PRSS23: variants seen among roughly 807,000 people sequenced by gnomAD.
The protein encoded by PRSS23 is protease, serine 23.
In PRSS23, 25 loss-of-function variants were observed where a neutral mutation model predicts 34.7. The observed-to-expected ratio is 0.72, with a 90% CI of 0.53 to 1.01. PRSS23 has a LOEUF of 1.01. PRSS23 is among the 50% of genes least tolerant of loss of function. PRSS23 has a pLI of 0.00. For synonymous variants in PRSS23, 176 were observed against 186.6 expected (o/e 0.94, Z 0.46); for missense variants, 445 against 475.6 (o/e 0.94, Z 0.60).
At chr11:86,888,105 G>A (rs1328672425) in intron 2 of PRSS23, among the ~76,000 whole-genome samples, 1 of 131,692 alleles carries the variant, frequency 7.6e-6, no homozygotes, top group African/African-American at 2.9e-5. Context: ...TGAGCATCAA[G>A]TTGGTTTTTT....
At chr11:86,844,335 A>C (rs1053662193) in intron 2 of PRSS23, among the ~76,000 whole-genome samples, 11 of 152,164 alleles carry the variant, frequency 7.2e-5, no homozygotes, top group African/African-American at 2.4e-4. Flanking sequence ...TGGGTGCAGC[A>C]AACCAACATG....
At chr11:86,834,661 G>A (rs145096930) in intron 2 of PRSS23, among the ~76,000 whole-genome samples, 3,477 of 149,148 alleles carry the variant, frequency 0.023, 146 homozygotes, top group African/African-American at 0.081. Context: ...TTGCTGTACA[G>A]CCAATAATAA....
intron 2 of PRSS23, chr11:86,937,139 G>C (rs1372317733): frequency 6.6e-6 from 1 of 152,156 alleles, no homozygotes; most frequent in Non-Finnish European, 1.5e-5. Context: ...AGCTCCTACT[G>C]ACCCAGCAGA....
chr11:86,930,081 G>A (rs1949113626), intron 2 of PRSS23, among the ~76,000 whole-genome samples: 1 of 151,674 alleles, frequency 6.6e-6, no homozygotes, highest in Admixed American at 6.6e-5. Context: ...TAGTTATAGT[G>A]GTATAGTATG....
chr11:86,905,190 G>A (rs77863647), intron 2 of PRSS23, among the ~76,000 whole-genome samples: 65 of 152,286 alleles, frequency 4.3e-4, no homozygotes, highest in Admixed American at 1.3e-3. Context: ...TAGACTGTGC[G>A]CTAAAGGCAG....
intron 2 of PRSS23, chr11:86,935,349 C>T (rs951339677): frequency 6.6e-6 from 1 of 152,198 alleles, no homozygotes; most frequent in African/African-American, 2.4e-5. Flanking sequence ...TTCTCAGGGT[C>T]TCAGTGTTTA....
intron 2 of PRSS23, among the ~76,000 whole-genome samples, chr11:86,904,550 A>C (rs1364887805): frequency 6.6e-6 from 1 of 152,162 alleles, no homozygotes; most frequent in Non-Finnish European, 1.5e-5. Context: ...TATGTACCCC[A>C]ACTCTAAATA....
chr11:86,844,476 A>G (rs1486872239), intron 2 of PRSS23, among the ~76,000 whole-genome samples: 1 of 152,194 alleles, frequency 6.6e-6, no homozygotes, highest in Non-Finnish European at 1.5e-5. Flanking sequence ...TGTGCAATAC[A>G]GCTGTCAATG....
chr11:86,808,906 G>A lies in PRSS23; in HGVS notation c.*111G>A. 2 of 843,020 alleles carry A rather than the reference G, an allele frequency of 2.4e-6. No individual in the cohort carries two copies. Among genetic ancestry groups the A allele is most frequent in the Non-Finnish European group, 3.7e-6 (2 of 539,508 alleles). 52.2% of individuals were successfully genotyped at this position (843,020 alleles called of 1,614,324 possible). A position where few individuals can be genotyped will look rare whatever the true frequency, so the allele number is the denominator to read the frequency against. On this transcript the variant is annotated 3_prime_UTR_variant, in exon 2 of 2. Transcript: ENST00000280258. ...CACGTGTGTGTGTGTGTGTGTGTGTGTGTAAGGTGTCTTATAATCTTTTAC... is the reference window on the plus strand; with the variant it reads ...CACGTGTGTGTGTGTGTGTGTGTGTATGTAAGGTGTCTTATAATCTTTTAC...
At chr11:86,850,982 A>G (rs1948524500) in intron 2 of PRSS23, among the ~76,000 whole-genome samples, 1 of 152,188 alleles carries the variant, frequency 6.6e-6, no homozygotes. Context: ...GACCCCTTCC[A>G]CACTGTGGAA....
chr11:86,812,376 TG>T (rs1948184718), downstream of PRSS23, among the ~76,000 whole-genome samples: 1 of 152,052 alleles, frequency 6.6e-6, no homozygotes, highest in Non-Finnish European at 1.5e-5. Flanking sequence ...TTTGATGGGG[TG>T]GGGTCATCGT....
At chr11:86,872,869 A>T (rs1007316245) in intron 2 of PRSS23, among the ~76,000 whole-genome samples, 2 of 152,166 alleles carry the variant, frequency 1.3e-5, no homozygotes, top group African/African-American at 4.8e-5. Context: ...TTCCTTATCT[A>T]TGACAAAGGG....
chr11:86,861,949 G>A (rs929374489), intron 2 of PRSS23, among the ~76,000 whole-genome samples: 3 of 151,896 alleles, frequency 2.0e-5, no homozygotes, highest in African/African-American at 4.8e-5. Flanking sequence ...TATCAGAGGG[G>A]GTGTCCACCC....
chr11:86,832,947 T>C (rs1948371882), intron 2 of PRSS23: 1 of 364,888 alleles, frequency 2.7e-6, no homozygotes, highest in Non-Finnish European at 5.3e-6. Flanking sequence ...TCCACATCCT[T>C]GATGCAGGTC....
intron 2 of PRSS23, among the ~76,000 whole-genome samples, chr11:86,863,368 G>A (rs1029746737): frequency 1.3e-5 from 2 of 151,992 alleles, no homozygotes; most frequent in Admixed American, 6.6e-5. Context: ...TCCTTGAGGA[G>A]AGAACTTCAG....
chr11:86,857,899 A>G, intron 2 of PRSS23: 1 of 495,596 alleles, frequency 2.0e-6, no homozygotes, highest in Non-Finnish European at 4.1e-6. Flanking sequence ...GTTCCTCAGC[A>G]TCGTGACCAG....
At chr11:86,930,059 C>T (rs1368731288) in intron 2 of PRSS23, among the ~76,000 whole-genome samples, 1 of 151,488 alleles carries the variant, frequency 6.6e-6, no homozygotes, top group African/African-American at 2.4e-5. Flanking sequence ...TTATACTATA[C>T]TATAATAGTA....
At chr11:86,811,375 A>C (rs567357498), downstream of PRSS23, 1 of 154,072 alleles carries the variant, frequency 6.5e-6, no homozygotes, top group Non-Finnish European at 1.5e-5. Flanking sequence ...CTGTGCCTTT[A>C]GGGTTTAACC....
chr11:86,831,501 T>C lies in PRSS23; in HGVS notation c.206+7908T>C, dbSNP rs114993209. ...ATGTTACTTTTAATGTTACACGTGG[T>C]ATACACACCGTGATATTATTCGTAA... On this transcript the variant is annotated intron_variant, in intron 2 of 2. Coordinates refer to the PRSS23 transcript ENST00000533902. Among the ~76,000 whole-genome samples, 1,140 of 152,080 alleles carry C rather than the reference T, an allele frequency of 7.5e-3. 20 individuals are homozygous for C. Among genetic ancestry groups the C allele is most frequent in the African/African-American group, 0.026 (1,086 of 41,454 alleles).
Sources: gnomAD v4.1 joint callset for allele counts (sites outside exome capture counted in the v4.1 genomes callset) on GRCh38, gnomAD v4.1.1 for gene constraint, MANE v1.5 for transcripts, NCBI Gene and HGNC (gene_info 2026-07-23, HGNC 2026-07-21) for gene names.